Variants in KPNA6 observed in about 807,000 individuals in gnomAD.
KPNA6 encodes the protein karyopherin subunit alpha 6.
In KPNA6, 9 loss-of-function variants were observed where a neutral mutation model predicts 72.0. The observed-to-expected ratio is 0.13, with a 90% CI of 0.08 to 0.22. KPNA6 has a LOEUF of 0.22. Ranked by LOEUF, KPNA6 falls within the 10% of genes least tolerant of loss-of-function variation. The pLI, the probability that KPNA6 is intolerant of heterozygous loss-of-function variation, is 1.00. For missense variants in KPNA6, 374 were observed against 655.7 expected (o/e 0.57, Z 4.69); for synonymous variants, 219 against 242.1 (o/e 0.90, Z 0.89).
chr1:32,145,723 G>T (rs1641918587), intron 1 of KPNA6, among the ~76,000 whole-genome samples: 1 of 151,554 alleles, frequency 6.6e-6, no homozygotes, highest in African/African-American at 2.4e-5. Context: ...TTCAAAATCA[G>T]TTGGCTGGCC....
chr1:32,153,503 A>G (rs566469485), intron 1 of KPNA6, among the ~76,000 whole-genome samples: 6 of 150,410 alleles, frequency 4.0e-5, no homozygotes, highest in Admixed American at 4.0e-4. Context: ...TCTGGGTGGC[A>G]TAGGTTGCAG....
intron 1 of KPNA6, among the ~76,000 whole-genome samples, chr1:32,114,904 G>A (rs1028602487): frequency 6.6e-6 from 1 of 152,204 alleles, no homozygotes; most frequent in Non-Finnish European, 1.5e-5. Flanking sequence ...GCAGTGGCAC[G>A]ATCTCGCCTC....
chr1:32,141,201 G>A (rs1027769686), intron 1 of KPNA6, among the ~76,000 whole-genome samples: 12 of 151,746 alleles, frequency 7.9e-5, no homozygotes, highest in African/African-American at 2.9e-4. Context: ...GGTGGTGGAG[G>A]GGAGGCTCAA....
intron 1 of KPNA6, among the ~76,000 whole-genome samples, chr1:32,113,774 AAGG>A (rs907127522): frequency 1.3e-4 from 20 of 152,174 alleles, no homozygotes; most frequent in Admixed American, 5.9e-4. Flanking sequence ...GCATTTTCAC[AAGG>A]AGTAGATTCC....
At position 32,148,228 on chromosome 1, in the gene KPNA6, C is replaced by A. The variant is rs541521568; in HGVS notation, c.5-6360C>A. 1.6e-3 allele frequency among the ~76,000 whole-genome samples: 237 copies of A among 152,150 alleles called. 1 individual carries two copies. Among genetic ancestry groups the A allele is most frequent in the African/African-American group, 5.3e-3 (222 of 41,510 alleles). On this transcript the variant is annotated intron_variant, in intron 1 of 13. Transcript: ENST00000373625. The stretch of plus-strand genomic sequence containing the variant: ...CAAGTGATTCTCCTGTCTTAGCCCC[C>A]CCACTTGCTGGGATTACAAGTGCGT...
intron 2 of KPNA6, among the ~76,000 whole-genome samples, chr1:32,155,128 A>G (rs1439208245): frequency 6.0e-5 from 9 of 150,536 alleles, no homozygotes; most frequent in East Asian, 3.9e-4. Context: ...AAAAAAAAAA[A>G]AAAAAGAAAA....
chr1:32,163,776 T>G (rs1321165337), intron 10 of KPNA6, among the ~76,000 whole-genome samples: 1 of 152,142 alleles, frequency 6.6e-6, no homozygotes, highest in Non-Finnish European at 1.5e-5. Flanking sequence ...GGCTAGAGAT[T>G]TGGGTATTCT....
chr1:32,147,686 G>T (rs1314714931), intron 1 of KPNA6, among the ~76,000 whole-genome samples: 1 of 134,896 alleles, frequency 7.4e-6, no homozygotes, highest in East Asian at 2.1e-4. Flanking sequence ...TTGAGACAGG[G>T]TCTTGCCCTG....
intron 1 of KPNA6, among the ~76,000 whole-genome samples, chr1:32,130,766 GAAA>G (rs796117235): frequency 7.2e-6 from 1 of 139,622 alleles, no homozygotes; most frequent in African/African-American, 2.6e-5. Context: ...CTATCTCAAA[GAAA>G]AAAAAAAAGT....
At chr1:32,165,048 A>G (rs1464071251) in intron 10 of KPNA6, among the ~76,000 whole-genome samples, 1 of 151,728 alleles carries the variant, frequency 6.6e-6, no homozygotes, top group Non-Finnish European at 1.5e-5. Flanking sequence ...ACAGGCATGC[A>G]CCATCATGCC....
intron 1 of KPNA6, among the ~76,000 whole-genome samples, chr1:32,142,206 A>C (rs1641850090): frequency 7.4e-6 from 1 of 134,754 alleles, no homozygotes; most frequent in Non-Finnish European, 1.5e-5. Context: ...CAGGGAGCTG[A>C]GATTGTGTCC....
At chr1:32,117,235 C>T (rs567380704) in intron 1 of KPNA6, among the ~76,000 whole-genome samples, 6 of 151,314 alleles carry the variant, frequency 4.0e-5, no homozygotes, top group Admixed American at 2.6e-4. Flanking sequence ...TGCAGTGGCA[C>T]GATCTTGGCT....
At chr1:32,142,022 A>G (rs1000538139) in intron 1 of KPNA6, among the ~76,000 whole-genome samples, 2 of 152,090 alleles carry the variant, frequency 1.3e-5, no homozygotes, top group African/African-American at 4.8e-5. Context: ...TAATCCCAGC[A>G]CTTTGGGAAG....
chr1:32,112,045 C>T (rs1203002480), intron 1 of KPNA6, among the ~76,000 whole-genome samples: 1 of 152,166 alleles, frequency 6.6e-6, no homozygotes, highest in Non-Finnish European at 1.5e-5. Flanking sequence ...AACTCTAGCT[C>T]CCTAGACAGT....
At chr1:32,156,382 T>C (rs574713340) in intron 2 of KPNA6, among the ~76,000 whole-genome samples, 1 of 152,308 alleles carries the variant, frequency 6.6e-6, no homozygotes, top group African/African-American at 2.4e-5. Context: ...TTTGGCACAT[T>C]TGAATTGCCA....
intron 1 of KPNA6, among the ~76,000 whole-genome samples, chr1:32,129,125 TCTCC>T (rs1325837070): frequency 2.0e-5 from 3 of 150,940 alleles, no homozygotes; most frequent in Non-Finnish European, 3.0e-5. Flanking sequence ...CCTCTCTCTC[TCTCC>T]CTCCCTCCCT....
At chr1:32,148,799 C>A (rs1042014403) in intron 1 of KPNA6, among the ~76,000 whole-genome samples, 3 of 151,986 alleles carry the variant, frequency 2.0e-5, no homozygotes, top group Admixed American at 6.6e-5. Context: ...CCTTGTGATC[C>A]ACCCGCCTCA....
At chr1:32,138,103 C>G (rs1238596929) in intron 1 of KPNA6, among the ~76,000 whole-genome samples, 1 of 147,204 alleles carries the variant, frequency 6.8e-6, no homozygotes, top group African/African-American at 2.5e-5. Flanking sequence ...CCACTGCACT[C>G]TAGCCTGGAT....
rs1428873621 is a variant in KPNA6 at position 32,176,433 on chromosome 1, T to C, written c.*5539T>C. The C allele has an allele frequency of 6.6e-6, 1 of 152,460 alleles. No individual in the cohort carries two copies. Among genetic ancestry groups the C allele is most frequent in the African/African-American group, 2.4e-5 (1 of 41,458 alleles). The allele number at this position is 152,460 out of a possible 1,614,324, so 9.4% of individuals were successfully genotyped here. A position where few individuals can be genotyped will look rare whatever the true frequency, so the allele number is the denominator to read the frequency against. On this transcript the variant is annotated 3_prime_UTR_variant, in exon 14 of 14. Coordinates refer to ENST00000373625, the MANE Select transcript of KPNA6 (RefSeq NM_012316.5). ...AGAGCAGACATAGGCGAAGAAAACA[T>C]GGCATTGAGTGTGCTGAGTCCAGAC...
Sources: gnomAD v4.1 joint callset for allele counts (sites outside exome capture counted in the v4.1 genomes callset) on GRCh38, gnomAD v4.1.1 for gene constraint, MANE v1.5 for transcripts, NCBI Gene and HGNC (gene_info 2026-07-23, HGNC 2026-07-21) for gene names.